Variants in HK2 observed in about 807,000 individuals in gnomAD.
HK2 encodes hexokinase-2.
In HK2, 42 loss-of-function variants were observed where a neutral mutation model predicts 92.9. That is an observed-to-expected ratio of 0.45 (90% CI 0.35 to 0.58). The LOEUF is 0.58. HK2 is among the 20% of genes least tolerant of loss of function. The pLI is 0.00. For synonymous variants in HK2, 422 were observed against 468.0 expected (o/e 0.90, Z 1.27); for missense variants, 978 against 1,245.1 (o/e 0.79, Z 3.23).
intron 1 of HK2, among the ~76,000 whole-genome samples, chr2:74,847,108 A>G (rs1489787215): frequency 6.6e-6 from 1 of 152,162 alleles, no homozygotes; most frequent in Non-Finnish European, 1.5e-5. Flanking sequence ...GAAATATCCC[A>G]AGACTGGGGA....
chr2:74,839,765 C>T (rs1305587523), intron 1 of HK2, among the ~76,000 whole-genome samples: 1 of 151,246 alleles, frequency 6.6e-6, no homozygotes, highest in Non-Finnish European at 1.5e-5. Context: ...TCAAGTGATT[C>T]TCCTACCTCA....
At chr2:74,842,684 G>T (rs572390947) in intron 1 of HK2, among the ~76,000 whole-genome samples, 1 of 152,238 alleles carries the variant, frequency 6.6e-6, no homozygotes, top group East Asian at 1.9e-4. Context: ...GAAGAAGGAT[G>T]CGTCCACCGT....
At chr2:74,847,176 T>C (rs1190341191) in intron 1 of HK2, among the ~76,000 whole-genome samples, 1 of 152,224 alleles carries the variant, frequency 6.6e-6, no homozygotes, top group Non-Finnish European at 1.5e-5. Context: ...GCTTCTATGC[T>C]TGTGGAGTAA....
At chr2:74,886,030 A>T (rs546338898) in intron 13 of HK2, among the ~76,000 whole-genome samples, 26 of 144,356 alleles carry the variant, frequency 1.8e-4, no homozygotes, top group Admixed American at 1.6e-3. Context: ...TATAGAGTTT[A>T]AAAAAAAAAA....
intron 1 of HK2, among the ~76,000 whole-genome samples, chr2:74,843,024 A>C (rs1688353053): frequency 6.6e-6 from 1 of 152,116 alleles, no homozygotes; most frequent in Non-Finnish European, 1.5e-5. Context: ...TTGTCAGTTA[A>C]ATACTTGCTC....
chr2:74,837,775 A>G (rs572625105), intron 1 of HK2, among the ~76,000 whole-genome samples: 6 of 149,712 alleles, frequency 4.0e-5, no homozygotes, highest in African/African-American at 1.5e-4. Context: ...TCCCAGGTTC[A>G]AGCGATTCTC....
chr2:74,856,121 C>T (rs948860967), intron 2 of HK2, among the ~76,000 whole-genome samples: 3 of 151,976 alleles, frequency 2.0e-5, no homozygotes, highest in Admixed American at 6.5e-5. Flanking sequence ...GCTGGCAGGT[C>T]GCTGGTGAGG....
rs770681280 is a variant in HK2 at position 74,874,289 on chromosome 2, A to G, written c.715A>G (p.Met239Val). ...AGGCACGGGCAGCAACGCCTGCTAC[A>G]TGGAAGAGATGCGCCACATCGACAT... ...IVGTGSNACYMEEMRHIDMVE... is the reference protein window; with the variant it reads ...IVGTGSNACYVEEMRHIDMVE... The change falls in exon 7 of 18, where the codon ATG (methionine) becomes GTG (valine). Residue 239 changes from methionine to valine, a missense_variant. Around this residue, in one of 3 missense-constraint regions of HK2, gnomAD observed 189 missense variants for 289.5 expected, o/e 0.65. Transcript: ENST00000290573. The G allele has an allele frequency of 3.1e-6, 5 of 1,614,174 alleles. No homozygotes were observed. Among genetic ancestry groups the G allele is most frequent in the South Asian group, 2.2e-5 (2 of 91,074 alleles).
intron 16 of HK2, among the ~76,000 whole-genome samples, chr2:74,888,581 A>T (rs1689596248): frequency 6.6e-6 from 1 of 152,250 alleles, no homozygotes; most frequent in South Asian, 2.1e-4. Context: ...AGCCCTTTAA[A>T]AATTAATGCT....
chr2:74,854,832 C>T (rs1242839610), intron 2 of HK2, among the ~76,000 whole-genome samples: 4 of 152,204 alleles, frequency 2.6e-5, no homozygotes, highest in South Asian at 2.1e-4. Context: ...CCGTGGGAGC[C>T]GCTCTGTGGC....
intron 1 of HK2, among the ~76,000 whole-genome samples, chr2:74,850,941 G>A (rs947000098): frequency 6.6e-6 from 1 of 152,216 alleles, no homozygotes; most frequent in African/African-American, 2.4e-5. Flanking sequence ...AGTTCAAAGA[G>A]CTCTGATGTG....
intron 2 of HK2, among the ~76,000 whole-genome samples, chr2:74,862,346 A>C (rs904199183): frequency 6.6e-6 from 1 of 152,230 alleles, no homozygotes; most frequent in African/African-American, 2.4e-5. Flanking sequence ...TTCTTCTCTT[A>C]CTAACCTAGG....
At chr2:74,845,278 A>C (rs1438224826) in intron 1 of HK2, among the ~76,000 whole-genome samples, 1 of 152,160 alleles carries the variant, frequency 6.6e-6, no homozygotes, top group African/African-American at 2.4e-5. Context: ...TGTCTCCTTT[A>C]TCCCAGTATC....
intron 1 of HK2, among the ~76,000 whole-genome samples, chr2:74,836,814 G>A (rs1216506681): frequency 6.6e-6 from 1 of 152,198 alleles, no homozygotes; most frequent in African/African-American, 2.4e-5. Flanking sequence ...TAAGAGAGAA[G>A]AATGAAAATT....
intron 1 of HK2, among the ~76,000 whole-genome samples, chr2:74,851,875 T>C (rs533537881): frequency 1.3e-5 from 2 of 152,186 alleles, no homozygotes; most frequent in South Asian, 2.1e-4. Flanking sequence ...GAATAGAAGA[T>C]GGCCTTTTAA....
Position 74,889,381 on chromosome 2 carries a change from A to T in HK2, c.2512A>T (p.Met838Leu), listed in dbSNP as rs377251320. The T allele has an allele frequency of 4.0e-5, 64 of 1,614,092 alleles. No homozygotes were observed. Among genetic ancestry groups the T allele is most frequent in the Non-Finnish European group, 4.7e-5 (55 of 1,180,044 alleles). ...GGCAGCCCAGCTCTGTGGCGCAGGC[A>T]TGGCCGCTGTGGTGGACAGGATACG... ...RRAAQLCGAG[M>L]AAVVDRIREN... Residue 838 changes from methionine (M) to leucine (L), a missense_variant, in exon 17 of 18, where the codon ATG (methionine) becomes TTG (leucine). Met to Leu is a conservative substitution (Grantham distance 15). Coordinates refer to ENST00000290573, the MANE Select transcript of HK2 (RefSeq NM_000189.5).
At chr2:74,872,716 C>A (rs768245680) in intron 4 of HK2, among the ~76,000 whole-genome samples, 6 of 152,112 alleles carry the variant, frequency 3.9e-5, no homozygotes, top group Non-Finnish European at 8.8e-5. Flanking sequence ...TGATAAAGAC[C>A]CTTGGAAGAA....
At chr2:74,865,140 C>T (rs1688915631) in intron 2 of HK2, among the ~76,000 whole-genome samples, 1 of 152,060 alleles carries the variant, frequency 6.6e-6, no homozygotes, top group Admixed American at 6.5e-5. Flanking sequence ...CAGTCATTGG[C>T]TATGGTGGTT....
Position 74,885,546 on chromosome 2 carries a change from A to T in HK2, c.1892A>T (p.Glu631Val), listed in dbSNP as rs1489041621. ...TTCAAGGCATCTGGCTGCGAGGGCGAGGACGTGGTGACCCTGCTGAAGGAA... is the reference window on the plus strand; with the variant it reads ...TTCAAGGCATCTGGCTGCGAGGGCGTGGACGTGGTGACCCTGCTGAAGGAA... Reference protein sequence around the residue: ...KGFKASGCEGEDVVTLLKEAI... With the variant: ...KGFKASGCEGVDVVTLLKEAI... Residue 631 changes from glutamate (E) to valine (V), a missense_variant, in exon 13 of 18, where the codon GAG (glutamate) becomes GTG (valine). This residue lies in a region of HK2 where 742 missense variants were observed against 922.5 expected (regional missense o/e 0.80). Transcript: ENST00000290573. 1 of 1,613,944 alleles carries T rather than the reference A, an allele frequency of 6.2e-7. No individual in the cohort carries two copies. The highest frequency in any genetic ancestry group is 8.5e-7 in the Non-Finnish European group (1 of 1,179,956).
Sources: allele counts gnomAD v4.1 joint callset (sites outside exome capture counted in the v4.1 genomes callset), GRCh38; gene constraint gnomAD v4.1.1; regional missense constraint gnomAD v4.1.1; transcripts MANE v1.5; gene names NCBI Gene and HGNC (gene_info 2026-07-23, HGNC 2026-07-21).